The following CFAP91 variants were observed in gnomAD, a reference collection of about 807,000 sequenced individuals.
CFAP91 encodes the protein cilia- and flagella-associated protein 91.
Under a neutral mutation model 95.9 loss-of-function variants are expected in CFAP91, and 85 were observed. That is an observed-to-expected ratio of 0.89 (90% confidence interval 0.74 to 1.06). The LOEUF (loss-of-function observed/expected upper bound fraction) is 1.06. CFAP91 is among the 50% of genes least tolerant of loss of function. The pLI is 0.00. For synonymous variants in CFAP91, 335 were observed against 327.5 expected, an observed-to-expected ratio of 1.02 and a Z score of -0.25; for missense variants, 962 against 943.4, an observed-to-expected ratio of 1.02 and a Z score of -0.26.
intron 7 of CFAP91, among the ~76,000 whole-genome samples, chr3:119,727,207 T>TA (rs1373421923): frequency 6.6e-6 from 1 of 152,212 alleles, no homozygotes; most frequent in Non-Finnish European, 1.5e-5. Flanking sequence ...CCTAGAGAGT[T>TA]AGAGTCTCAG....
intron 17 of CFAP91, among the ~76,000 whole-genome samples, chr3:119,761,291 T>C (rs1473253984): frequency 6.6e-6 from 1 of 151,818 alleles, no homozygotes. Context: ...ACATGCAACC[T>C]ATCAAGATTG....
At chr3:119,726,830 C>T (rs189777879) in intron 7 of CFAP91, among the ~76,000 whole-genome samples, 3 of 124,470 alleles carry the variant, frequency 2.4e-5, no homozygotes, top group Admixed American at 9.4e-5. Context: ...CCCACCCCGA[C>T]CCAAGACACT....
At chr3:119,740,722 C>T (rs909119869) in intron 13 of CFAP91, 27 bp downstream of exon 13, 1 of 1,600,394 alleles carries the variant, frequency 6.2e-7, no homozygotes, top group Non-Finnish European at 8.5e-7. Flanking sequence ...TTTCTTGTTA[C>T]TTTCTTGTTA....
At chr3:119,739,935 C>T (rs1284597488) in intron 12 of CFAP91, among the ~76,000 whole-genome samples, 4 of 152,060 alleles carry the variant, frequency 2.6e-5, no homozygotes, top group African/African-American at 9.7e-5. Context: ...GAGTGTAAAG[C>T]CTTAGCCAGA....
intron 6 of CFAP91, 146 bp from the exon 7 acceptor site, chr3:119,726,025 C>G: frequency 1.7e-6 from 1 of 587,614 alleles, no homozygotes; most frequent in Non-Finnish European, 2.8e-6. Context: ...TGAGGCACAT[C>G]TAGAGGCTGT....
chr3:119,757,035 T>A (rs1559770961), intron 17 of CFAP91, among the ~76,000 whole-genome samples: 1 of 152,064 alleles, frequency 6.6e-6, no homozygotes, highest in Non-Finnish European at 1.5e-5. Flanking sequence ...ATACAAATGG[T>A]TGTAAGTTAA....
At position 119,730,270 on chromosome 3, in the gene CFAP91, A is replaced by T. The variant is rs1336230807; in HGVS notation, c.911A>T (p.Glu304Val). 1 of 1,614,160 alleles carries T rather than the reference A, an allele frequency of 6.2e-7. No individual in the cohort carries two copies. The highest frequency in any genetic ancestry group is 1.1e-5 in the South Asian group (1 of 91,080). ...CTAAAAGAGCTGTTGAGGAAGCGTG[A>T]AGAGAATCAGAATGAAGTGAATATG... The part of the protein sequence containing the change: ...EVLKELLRKR[E>V]ENQNEVNMKH... Residue 304 changes from glutamate (E) to valine (V), a missense_variant, in exon 8 of 18, where the codon GAA (glutamate) becomes GTA (valine). Coordinates refer to ENST00000273390, the MANE Select transcript of CFAP91 (RefSeq NM_033364.4).
chr3:119,736,214 C>A (rs2053999891), intron 10 of CFAP91, among the ~76,000 whole-genome samples: 1 of 151,454 alleles, frequency 6.6e-6, no homozygotes. Context: ...TGCTCACTTC[C>A]AATTCCCCCT....
At chr3:119,745,578 G>A (rs1269499990) in intron 14 of CFAP91, among the ~76,000 whole-genome samples, 3 of 152,192 alleles carry the variant, frequency 2.0e-5, no homozygotes, top group Admixed American at 6.5e-5. Context: ...ATACAGCTAT[G>A]GATGGACCAT....
intron 5 of CFAP91, chr3:119,715,285 A>G (rs919948396): frequency 5.0e-5 from 27 of 536,826 alleles, no homozygotes; most frequent in South Asian, 4.4e-4. Context: ...CTGTTCTACA[A>G]CCTTGCCCAG....
intron 11 of CFAP91, among the ~76,000 whole-genome samples, chr3:119,738,962 G>C (rs2054064896): frequency 6.6e-6 from 1 of 152,146 alleles, no homozygotes; most frequent in African/African-American, 2.4e-5. Flanking sequence ...GAAATATTTT[G>C]CTGGAAAGGA....
At chr3:119,757,726 A>G (rs906286780) in intron 17 of CFAP91, among the ~76,000 whole-genome samples, 37 of 152,152 alleles carry the variant, frequency 2.4e-4, no homozygotes, top group African/African-American at 8.9e-4. Context: ...ACATTTATAG[A>G]ATATTACGCC....
chr3:119,758,088 A>G (rs148059285), intron 17 of CFAP91, among the ~76,000 whole-genome samples: 119 of 152,224 alleles, frequency 7.8e-4, no homozygotes, highest in African/African-American at 2.7e-3. Context: ...GGTCAGAAAG[A>G]GATGCTGAAT....
intron 6 of CFAP91, among the ~76,000 whole-genome samples, chr3:119,725,725 C>G (rs2053769794): frequency 6.6e-6 from 1 of 151,944 alleles, no homozygotes; most frequent in African/African-American, 2.4e-5. Flanking sequence ...TCTCTATACT[C>G]CAGCCTGGGC....
intron 6 of CFAP91, among the ~76,000 whole-genome samples, chr3:119,716,875 C>G (rs1244546393): frequency 6.6e-6 from 1 of 152,208 alleles, no homozygotes; most frequent in Non-Finnish European, 1.5e-5. Flanking sequence ...CAGGCTTGAG[C>G]TACCGCACCT....
At chr3:119,750,620 G>T in intron 16 of CFAP91, 3 of 344,856 alleles carry the variant, frequency 8.7e-6, no homozygotes, top group Non-Finnish European at 1.6e-5. Flanking sequence ...ACTCAAGTGC[G>T]GTAAGTGGTA....
At chr3:119,716,038 C>CT (rs2053568369) in intron 6 of CFAP91, 2 of 542,334 alleles carry the variant, frequency 3.7e-6, no homozygotes, top group East Asian at 5.9e-5. Flanking sequence ...TCCTAGTGAA[C>CT]CACTTCCTTT....
chr3:119,710,528 A>G (rs371880722), intron 5 of CFAP91, among the ~76,000 whole-genome samples: 34 of 152,336 alleles, frequency 2.2e-4, no homozygotes, highest in African/African-American at 7.7e-4. Context: ...TACCACGACA[A>G]TGGGGACTAA....
intron 5 of CFAP91, among the ~76,000 whole-genome samples, chr3:119,714,666 G>A (rs1022324753): frequency 6.6e-6 from 1 of 152,020 alleles, no homozygotes; most frequent in African/African-American, 2.4e-5. Flanking sequence ...TTTCCATGGG[G>A]TATTTAACTG....
Sources: gnomAD v4.1 joint callset for allele counts (sites outside exome capture counted in the v4.1 genomes callset) on GRCh38, gnomAD v4.1.1 for gene constraint, MANE v1.5 for transcripts, NCBI Gene and HGNC (gene_info 2026-07-23, HGNC 2026-07-21) for gene names.